The following DNAH9 variants were observed in gnomAD, a reference collection of about 807,000 sequenced individuals.
The protein encoded by DNAH9 is DNAH9 variant protein.
DNAH9 carries 345 observed loss-of-function variants against 471.6 expected under a neutral mutation model. The observed-to-expected ratio is 0.73, with a 90% CI of 0.67 to 0.80. The LOEUF (loss-of-function observed/expected upper bound fraction) is 0.80, where lower values mean the gene tolerates loss of function less well. DNAH9 is among the 30% of genes least tolerant of loss of function. The pLI is 0.00. For missense variants in DNAH9, 5,407 were observed against 5,609.2 expected, an observed-to-expected ratio of 0.96 and a Z score of 1.15; for synonymous variants, 2,093 against 2,123.6, an observed-to-expected ratio of 0.99 and a Z score of 0.40.
Position 11,932,539 on chromosome 17 carries a change from G to A in DNAH9, c.12297+334G>A, listed in dbSNP as rs1337111866. 2.0e-5 allele frequency among the ~76,000 whole-genome samples: 3 copies of A among 152,190 alleles called. No individual in the cohort carries two copies. Among genetic ancestry groups the A allele is most frequent in the African/African-American group, 7.2e-5 (3 of 41,458 alleles). On this transcript the variant is annotated intron_variant, in intron 64 of 68. Coordinates refer to ENST00000262442, the MANE Select transcript of DNAH9 (RefSeq NM_001372.4). The surrounding 1 kb of genome is among the most constrained non-coding windows in gnomAD (Gnocchi z 4.3). The stretch of plus-strand genomic sequence containing the variant: ...TCCCACCCAAACTTACTGAATCAGC[G>A]CATTTTAACGAGATTCTCTGGTAAT...
rs58668817 is a variant in DNAH9 at position 11,927,117 on chromosome 17, TG to T, written c.11878-2748del. 7.7e-3 allele frequency among the ~76,000 whole-genome samples: 1,166 copies of T among 152,298 alleles called. 20 individuals carry two copies. The highest frequency in any genetic ancestry group is 0.027 in the African/African-American group (1,113 of 41,558). ...TTTTTAATGAGGTTGTTTGTTTTTTTGCTTGTAAATTTGTTTAAGTTCCTTG... is the reference window on the plus strand; with the variant it reads ...TTTTTAATGAGGTTGTTTGTTTTTTTCTTGTAAATTTGTTTAAGTTCCTTG... On this transcript the variant is annotated intron_variant, in intron 62 of 68. Coordinates refer to ENST00000262442, the MANE Select transcript of DNAH9 (RefSeq NM_001372.4).
At chr17:11,753,393 A>G (rs1400574729) in intron 33 of DNAH9, among the ~76,000 whole-genome samples, 1 of 152,190 alleles carries the variant, frequency 6.6e-6, no homozygotes, top group Non-Finnish European at 1.5e-5. Context: ...TTTTTTATAA[A>G]CAATGAAACC....
rs985109465 is a variant in DNAH9 at position 11,608,146 on chromosome 17, G to A, written c.435G>A (p.Leu145=). The A allele has an allele frequency of 3.7e-6, 6 of 1,608,180 alleles. No homozygotes were observed. The African/African-American group carries it at 6.7e-5, about 18-fold the overall frequency. Residue 145 remains leucine (L), a synonymous_variant, in exon 2 of 69, where the codon CTG becomes CTA. Coordinates refer to ENST00000262442, the MANE Select transcript of DNAH9 (RefSeq NM_001372.4). ...TGTTCCAGGTTGTTCTACCCGTCCT[G>A]GCCAATGAGAAGAATCGCCTAAACT... ...ALFSEVVLPV[L]ANEKNRLNWP...
intron 17 of DNAH9, among the ~76,000 whole-genome samples, chr17:11,677,528 G>A (rs1567711863): frequency 6.6e-6 from 1 of 152,046 alleles, no homozygotes; most frequent in East Asian, 1.9e-4. Context: ...ACCTTGCTGT[G>A]CCCTTCCATT....
intron 36 of DNAH9, among the ~76,000 whole-genome samples, chr17:11,768,190 T>G (rs1389917185): frequency 6.6e-6 from 1 of 152,178 alleles, no homozygotes; most frequent in African/African-American, 2.4e-5. Flanking sequence ...CACCCTTCAG[T>G]GGCTGTAAGA....
intron 26 of DNAH9, among the ~76,000 whole-genome samples, chr17:11,714,853 GAAGTGAATTCTGCC>G (rs1187938837): frequency 2.6e-5 from 4 of 152,140 alleles, no homozygotes; most frequent in Non-Finnish European, 5.9e-5. Flanking sequence ...AGGGACCTCA[GAAGTGAATTCTGCC>G]AAGAACCTGA....
chr17:11,900,291 G>A (rs1455328714), intron 59 of DNAH9, among the ~76,000 whole-genome samples: 1 of 151,978 alleles, frequency 6.6e-6, no homozygotes, highest in Non-Finnish European at 1.5e-5. Flanking sequence ...GGAAGCCACA[G>A]AGCCCATGTG....
Position 11,640,351 on chromosome 17 carries a change from G to A in DNAH9, c.1868G>A (p.Gly623Asp). The A allele has an allele frequency of 6.2e-7, 1 of 1,613,976 alleles. No individual in the cohort carries two copies. The highest frequency in any genetic ancestry group is 8.5e-7 in the Non-Finnish European group (1 of 1,179,878). Residue 623 changes from glycine to aspartate, a missense_variant, in exon 10 of 69, where the codon GGT (glycine) becomes GAT (aspartate). Transcript: ENST00000262442. ...CAGGAGCTGAGGCAGCGCATCCAGG[G>A]TCCTTTCAGCAACTTTGGACGCATC... is the stretch of plus-strand genomic sequence containing the variant. ...WAQELRQRIQ[G>D]PFSNFGRITH...
chr17:11,807,963 TC>T (rs1969755669), intron 44 of DNAH9, 69 bp downstream of exon 44: 1 of 1,500,412 alleles, frequency 6.7e-7, no homozygotes, highest in East Asian at 2.3e-5. Context: ...CCATCATCCT[TC>T]ACTCGTTCTC....
rs372380348 is a variant in DNAH9 at position 11,742,318 on chromosome 17, G to C, written c.6111+5G>C. 6.2e-6 allele frequency: 10 copies of C among 1,613,872 alleles called. No homozygotes were observed. In the African/African-American group the frequency reaches 1.2e-4, roughly 19 times the overall value. On this transcript the variant is annotated splice_donor_5th_base_variant and intron_variant, in intron 30 of 68. Transcript: ENST00000262442. ...AAAGAGCTTCTCTCCAAACAGGTAGGATCTCTAGGGAGGCTGTACAACCAA... is the reference window on the plus strand; with the variant it reads ...AAAGAGCTTCTCTCCAAACAGGTAGCATCTCTAGGGAGGCTGTACAACCAA...
chr17:11,696,231 C>T (rs1319195904), intron 22 of DNAH9, among the ~76,000 whole-genome samples: 1 of 152,208 alleles, frequency 6.6e-6, no homozygotes, highest in Non-Finnish European at 1.5e-5. Flanking sequence ...AGGTAGCATG[C>T]TACGCCTACC....
intron 65 of DNAH9, among the ~76,000 whole-genome samples, chr17:11,935,110 C>T (rs1974662449): frequency 6.7e-6 from 1 of 149,404 alleles, no homozygotes; most frequent in African/African-American, 2.5e-5. Flanking sequence ...GATTACAGGC[C>T]CCCACCACCA....
intron 61 of DNAH9, among the ~76,000 whole-genome samples, chr17:11,908,784 G>A (rs778868792): frequency 1.3e-5 from 2 of 152,204 alleles, no homozygotes; most frequent in African/African-American, 2.4e-5. Context: ...GTCTTTTAAC[G>A]AACCACAAGG....
At chr17:11,890,767 G>A (rs1430693509) in intron 57 of DNAH9, among the ~76,000 whole-genome samples, 1 of 152,138 alleles carries the variant, frequency 6.6e-6, no homozygotes, top group Non-Finnish European at 1.5e-5. Context: ...GGAGTGCAGT[G>A]GCACCAGCAT....
intron 57 of DNAH9, among the ~76,000 whole-genome samples, chr17:11,889,266 A>G (rs535479062): frequency 1.3e-5 from 2 of 152,346 alleles, no homozygotes; most frequent in East Asian, 3.9e-4. Context: ...CAGAGGCAAA[A>G]ATAACACAGC....
chr17:11,600,857 A>G (rs1011005887), intron 1 of DNAH9, among the ~76,000 whole-genome samples: 2 of 152,216 alleles, frequency 1.3e-5, no homozygotes, highest in Non-Finnish European at 2.9e-5. Flanking sequence ...ACAATTTCCA[A>G]GTGTAGAGTA....
chr17:11,661,802 A>G (rs2073769230), intron 14 of DNAH9, among the ~76,000 whole-genome samples: 1 of 152,138 alleles, frequency 6.6e-6, no homozygotes, highest in Admixed American at 6.5e-5. Flanking sequence ...ATCTATTAAT[A>G]TGCATATTGA....
chr17:11,800,060 C>T (rs867495187), intron 43 of DNAH9, among the ~76,000 whole-genome samples: 20 of 152,208 alleles, frequency 1.3e-4, no homozygotes, highest in African/African-American at 3.4e-4. Context: ...TTCACCATCC[C>T]GTGATAACTG....
chr17:11,706,662 T>G (rs891691756), intron 26 of DNAH9, among the ~76,000 whole-genome samples: 1 of 152,154 alleles, frequency 6.6e-6, no homozygotes, highest in Non-Finnish European at 1.5e-5. Context: ...TGGATTCCAG[T>G]AGGATTTAAA....
Sources: allele counts gnomAD v4.1 joint callset (sites outside exome capture counted in the v4.1 genomes callset), GRCh38; gene constraint gnomAD v4.1.1; non-coding constraint Gnocchi (gnomAD v3.1); transcripts MANE v1.5; gene names NCBI Gene and HGNC (gene_info 2026-07-23, HGNC 2026-07-21).